SLC10A7: variants seen among roughly 807,000 people sequenced by gnomAD.
The protein encoded by SLC10A7 is sodium/bile acid cotransporter 7.
In SLC10A7, 29 loss-of-function variants were observed where a neutral mutation model predicts 43.2. The ratio of observed to expected loss-of-function variants is 0.67; its 90% confidence interval spans 0.50 to 0.92. The LOEUF (loss-of-function observed/expected upper bound fraction) is 0.92, where lower values mean the gene tolerates loss of function less well. SLC10A7 is among the 40% of genes least tolerant of loss of function. The pLI is 0.00. For synonymous variants in SLC10A7, 152 were observed against 144.8 expected (o/e 1.05, Z -0.35); for missense variants, 295 against 403.2 (o/e 0.73, Z 2.30).
chr4:146,288,217 T>C (rs534287685), intron 9 of SLC10A7, among the ~76,000 whole-genome samples: 2 of 152,292 alleles, frequency 1.3e-5, no homozygotes, highest in South Asian at 2.1e-4. Flanking sequence ...AGGGTTGACT[T>C]GTACTCTAGC....
At chr4:146,501,595 A>C (rs1048338782) in intron 4 of SLC10A7, among the ~76,000 whole-genome samples, 4 of 152,218 alleles carry the variant, frequency 2.6e-5, no homozygotes, top group African/African-American at 9.6e-5. Context: ...TAGAGCCTCC[A>C]ATCAATCTGG....
chr4:146,387,530 C>A (rs1425690071), intron 5 of SLC10A7, among the ~76,000 whole-genome samples: 3 of 152,074 alleles, frequency 2.0e-5, no homozygotes, highest in Non-Finnish European at 2.9e-5. Flanking sequence ...TGGAACAAGA[C>A]AAGGATGCCC....
intron 9 of SLC10A7, among the ~76,000 whole-genome samples, chr4:146,288,916 G>A (rs1730217494): frequency 6.6e-6 from 1 of 151,984 alleles, no homozygotes; most frequent in Non-Finnish European, 1.5e-5. Flanking sequence ...CTTTCAATCA[G>A]TGTTTTCCAC....
At chr4:146,465,638 T>C (rs1486131574) in intron 4 of SLC10A7, among the ~76,000 whole-genome samples, 1 of 152,192 alleles carries the variant, frequency 6.6e-6, no homozygotes, top group Non-Finnish European at 1.5e-5. Context: ...ATATATGATT[T>C]GTCCATGCAC....
chr4:146,459,712 A>G (rs1022265290), intron 4 of SLC10A7, among the ~76,000 whole-genome samples: 5 of 151,856 alleles, frequency 3.3e-5, no homozygotes, highest in Admixed American at 6.6e-5. Flanking sequence ...CTAAATCTAT[A>G]AAACTTTCAG....
intron 5 of SLC10A7, among the ~76,000 whole-genome samples, chr4:146,329,733 A>AT (rs1445604375): frequency 6.6e-6 from 1 of 152,178 alleles, no homozygotes; most frequent in Non-Finnish European, 1.5e-5. Context: ...TGGCAGATAC[A>AT]TTTTTTTAGA....
chr4:146,445,149 T>C (rs191815766), intron 4 of SLC10A7, among the ~76,000 whole-genome samples: 31 of 152,268 alleles, frequency 2.0e-4, no homozygotes, highest in Non-Finnish European at 3.5e-4. Flanking sequence ...CCCAAACTCA[T>C]CATGCCATTT....
At chr4:146,418,532 A>C (rs1728733165) in intron 5 of SLC10A7, among the ~76,000 whole-genome samples, 1 of 152,234 alleles carries the variant, frequency 6.6e-6, no homozygotes. Flanking sequence ...GAAATAGGAA[A>C]AGATATTTTG....
intron 4 of SLC10A7, among the ~76,000 whole-genome samples, chr4:146,448,024 A>T (rs1455386523): frequency 6.6e-6 from 1 of 151,936 alleles, no homozygotes; most frequent in East Asian, 1.9e-4. Context: ...CAATGAGAAC[A>T]CATGGACACA....
At chr4:146,454,585 T>C (rs1342065187) in intron 4 of SLC10A7, among the ~76,000 whole-genome samples, 1 of 151,890 alleles carries the variant, frequency 6.6e-6, no homozygotes, top group Non-Finnish European at 1.5e-5. Flanking sequence ...ATGGTTATGT[T>C]GGGGTAAATG....
intron 4 of SLC10A7, among the ~76,000 whole-genome samples, chr4:146,456,482 C>T (rs1475440130): frequency 6.6e-6 from 1 of 151,974 alleles, no homozygotes; most frequent in Non-Finnish European, 1.5e-5. Flanking sequence ...GCTATCCACA[C>T]TTTTGACCAA....
intron 2 of SLC10A7, among the ~76,000 whole-genome samples, chr4:146,512,493 C>A (rs4835316): frequency 0.8 from 121,449 of 152,178 alleles, 48,917 homozygotes; most frequent in East Asian, 0.96. Context: ...AATGTCCAAA[C>A]ATAAGAGAAT....
chr4:146,260,773 A>G (rs945623903), intron 10 of SLC10A7, among the ~76,000 whole-genome samples: 1 of 152,172 alleles, frequency 6.6e-6, no homozygotes, highest in Admixed American at 6.5e-5. Flanking sequence ...CTGCTGTGAA[A>G]AGGGAGAGGG....
chr4:146,256,369 T>C lies in SLC10A7; in HGVS notation c.*122A>G. Reference sequence around the variant, plus strand: ...TTTAAGGCACTTAAACAGGATCTCATATTTTTGTGTAAAAAAATAAAATAT... The same window carrying C: ...TTTAAGGCACTTAAACAGGATCTCACATTTTTGTGTAAAAAAATAAAATAT... On this transcript the variant is annotated 3_prime_UTR_variant, in exon 12 of 12. Coordinates refer to ENST00000335472, the MANE Select transcript of SLC10A7 (RefSeq NM_001029998.6). The C allele has an allele frequency of 1.1e-6, 1 of 917,222 alleles. No homozygotes were observed. The highest frequency in any genetic ancestry group is 1.7e-6 in the Non-Finnish European group (1 of 579,142). 56.8% of individuals were successfully genotyped at this position (917,222 alleles called of 1,614,324 possible). A position where few individuals can be genotyped will look rare whatever the true frequency, so the allele number is the denominator to read the frequency against.
intron 6 of SLC10A7, among the ~76,000 whole-genome samples, chr4:146,314,940 G>T (rs926926116): frequency 5.9e-5 from 9 of 152,084 alleles, no homozygotes; most frequent in African/African-American, 2.2e-4. Flanking sequence ...CACAGAATTA[G>T]ACTGATTTGT....
chr4:146,300,551 C>T (rs1731091109), intron 7 of SLC10A7, among the ~76,000 whole-genome samples: 1 of 152,206 alleles, frequency 6.6e-6, no homozygotes, highest in African/African-American at 2.4e-5. Context: ...GAATGCTCCC[C>T]CTTCTCCAAG....
At position 146,512,328 on chromosome 4, in the gene SLC10A7, T is replaced by C. The variant is rs994234357; in HGVS notation, c.184-2279A>G. On this transcript the variant is annotated intron_variant, in intron 2 of 11. Transcript: ENST00000335472. ...GGCATAACTTTTCTGAAAATTAATT[T>C]GGTAATATATATCAACGACTATATA... Among the ~76,000 whole-genome samples, 7 of 152,174 alleles carry C rather than the reference T, an allele frequency of 4.6e-5. No individual in the cohort carries two copies. In the East Asian group the frequency reaches 9.6e-4, roughly 21 times the overall value.
In SLC10A7 at chr4:146,373,896, G is replaced by C. The variant is rs573907428; in HGVS notation, c.436-47900C>G. Among the ~76,000 whole-genome samples the C allele has an allele frequency of 9.9e-5, 15 of 152,252 alleles. No individual in the cohort carries two copies. In the South Asian group the frequency reaches 2.7e-3, roughly 27 times the overall value. ...CTATAAGAGATGATGGCTAAGCTAG[G>C]GTTCTGGTGATGGAGATGAGGAAAT... On this transcript the variant is annotated intron_variant, in intron 5 of 11. Coordinates refer to ENST00000335472, the MANE Select transcript of SLC10A7 (RefSeq NM_001029998.6).
At chr4:146,508,389 T>C (rs868451970) in intron 3 of SLC10A7, among the ~76,000 whole-genome samples, 1 of 152,254 alleles carries the variant, frequency 6.6e-6, no homozygotes, top group African/African-American at 2.4e-5. Context: ...TGGTTCTTGA[T>C]ATGCATAATA....
Sources: allele counts gnomAD v4.1 joint callset (sites outside exome capture counted in the v4.1 genomes callset), GRCh38; gene constraint gnomAD v4.1.1; transcripts MANE v1.5; gene names NCBI Gene and HGNC (gene_info 2026-07-23, HGNC 2026-07-21).